The following GPATCH8 variants were observed in gnomAD, a reference collection of about 807,000 sequenced individuals.
GPATCH8 encodes G-patch domain containing 8, also known as G patch domain-containing protein 8.
GPATCH8 carries 18 observed loss-of-function variants against 118.3 expected under a neutral mutation model. The observed-to-expected ratio is 0.15, with a 90% CI of 0.11 to 0.23. The LOEUF (loss-of-function observed/expected upper bound fraction) is 0.23. GPATCH8 is among the 10% of genes least tolerant of loss of function. GPATCH8 has a pLI of 1.00. For missense variants in GPATCH8, 1,631 were observed against 1,873.8 expected (o/e 0.87, Z 2.39); for synonymous variants, 659 against 684.7 (o/e 0.96, Z 0.59).
At chr17:44,458,374 C>T (rs1294471162) in intron 3 of GPATCH8, among the ~76,000 whole-genome samples, 1 of 152,010 alleles carries the variant, frequency 6.6e-6, no homozygotes, top group Non-Finnish European at 1.5e-5. Flanking sequence ...ATGTAAGTAC[C>T]TATTTTCCCA....
rs2048790583 is a variant in GPATCH8, at chr17:44,396,673, A to T, written c.*895T>A. 3 of 445,028 alleles carry T rather than the reference A, an allele frequency of 6.7e-6. No homozygotes were observed. The highest frequency in any genetic ancestry group is 4.9e-5 in the South Asian group (3 of 61,456). 27.6% of individuals were successfully genotyped at this position (445,028 alleles called of 1,614,324 possible). A position where few individuals can be genotyped will look rare whatever the true frequency, so the allele number is the denominator to read the frequency against. ...GAACGAGGATCACTTAAAGAGCTGG[A>T]TGTAAAAAATATTATTGCAGTATAC... On this transcript the variant is annotated 3_prime_UTR_variant, in exon 8 of 8. Coordinates refer to ENST00000591680, the MANE Select transcript of GPATCH8 (RefSeq NM_001002909.4).
At chr17:44,421,164 A>C (rs1055336058) in intron 6 of GPATCH8, among the ~76,000 whole-genome samples, 9 of 151,850 alleles carry the variant, frequency 5.9e-5, no homozygotes, top group African/African-American at 2.2e-4. Flanking sequence ...ATTGTTTTCT[A>C]GTTAAAACTT....
At chr17:44,451,679 CA>C (rs961064556) in intron 3 of GPATCH8, among the ~76,000 whole-genome samples, 2 of 152,114 alleles carry the variant, frequency 1.3e-5, no homozygotes, top group Non-Finnish European at 2.9e-5. Flanking sequence ...AAATATTTGG[CA>C]AAAGTTCTTA....
chr17:44,466,902 G>A (rs1376760045), intron 2 of GPATCH8, among the ~76,000 whole-genome samples: 1 of 151,296 alleles, frequency 6.6e-6, no homozygotes, highest in Admixed American at 6.6e-5. Context: ...GACAAAAATT[G>A]TTGCTCCCCC....
At position 44,411,507 on chromosome 17, in the gene GPATCH8, T is replaced by G. The variant is rs185956098; in HGVS notation, c.493-5456A>C. 3.3e-5 allele frequency among the ~76,000 whole-genome samples: 5 copies of G among 152,338 alleles called. No individual in the cohort carries two copies. In the East Asian group the frequency reaches 9.6e-4, roughly 29 times the overall value. On this transcript the variant is annotated intron_variant, in intron 6 of 7. Transcript: ENST00000591680. ...TCTCGAGTATTTAAAATTGATTATC[T>G]ACATTTAAATAAAACCCATTTTTCT...
chr17:44,466,880 T>C (rs2051787328), intron 2 of GPATCH8, among the ~76,000 whole-genome samples: 1 of 152,134 alleles, frequency 6.6e-6, no homozygotes. Context: ...GATTTAGGCA[T>C]TAAACAATGC....
In GPATCH8 at chr17:44,414,117, G is replaced by GTATATATGTGTA. The variant is rs2049572776; in HGVS notation, c.493-8067_493-8066insTACACATATATA. 2.2e-5 allele frequency among the ~76,000 whole-genome samples: 3 copies of GTATATATGTGTA among 138,090 alleles called. No individual in the cohort carries two copies. The South Asian group carries it at 6.6e-4, about 30-fold the overall frequency. 90.6% of individuals were successfully genotyped at this position (138,090 alleles called of 152,430 possible). ...TATATATATGTGTGTATATATATAT[G>GTATATATGTGTA]TATATATATGTGTATATATATATAT... On this transcript the variant is annotated intron_variant, in intron 6 of 7. Coordinates refer to ENST00000591680, the MANE Select transcript of GPATCH8 (RefSeq NM_001002909.4).
At chr17:44,484,095 C>G (rs1037615940) in intron 1 of GPATCH8, among the ~76,000 whole-genome samples, 1 of 152,172 alleles carries the variant, frequency 6.6e-6, no homozygotes, top group Non-Finnish European at 1.5e-5. Flanking sequence ...CCGCCTCGGA[C>G]TTCCAAAGTG....
chr17:44,472,838 G>A (rs1455573553), intron 2 of GPATCH8, among the ~76,000 whole-genome samples: 1 of 151,928 alleles, frequency 6.6e-6, no homozygotes, highest in Non-Finnish European at 1.5e-5. Context: ...TGGGACTACA[G>A]GTGCCTACCA....
intron 2 of GPATCH8, chr17:44,465,810 A>C (rs751950968): frequency 6.6e-6 from 1 of 152,216 alleles, no homozygotes; most frequent in Non-Finnish European, 1.5e-5. Flanking sequence ...CTCCATATTC[A>C]ATGATAAAGT....
intron 1 of GPATCH8, among the ~76,000 whole-genome samples, chr17:44,502,387 G>A (rs1475590358): frequency 2.0e-5 from 3 of 151,112 alleles, no homozygotes; most frequent in Non-Finnish European, 4.4e-5. Flanking sequence ...AGACTCTACG[G>A]ATGTATTTTA....
chr17:44,436,814 T>TAAGC, intron 3 of GPATCH8: 2 of 485,290 alleles, frequency 4.1e-6, no homozygotes, highest in Non-Finnish European at 7.5e-6. Flanking sequence ...AAAGCACTTT[T>TAAGC]AAGCAATGGC....
intron 1 of GPATCH8, among the ~76,000 whole-genome samples, chr17:44,478,669 AAAAAAAC>A (rs1311938114): frequency 6.6e-6 from 1 of 152,134 alleles, no homozygotes; most frequent in Non-Finnish European, 1.5e-5. Context: ...TCAAAAACAA[AAAAAAAC>A]AAAAAACAAA....
intron 1 of GPATCH8, among the ~76,000 whole-genome samples, chr17:44,489,107 C>G (rs1969029813): frequency 6.6e-6 from 1 of 151,976 alleles, no homozygotes; most frequent in South Asian, 2.1e-4. Flanking sequence ...AAAAAACCTT[C>G]CAGTTATGGA....
chr17:44,454,901 A>G (rs1232347996), intron 3 of GPATCH8, among the ~76,000 whole-genome samples: 1 of 152,180 alleles, frequency 6.6e-6, no homozygotes, highest in African/African-American at 2.4e-5. Context: ...AATAACTAAA[A>G]TTATGGTTGC....
intron 3 of GPATCH8, among the ~76,000 whole-genome samples, chr17:44,450,035 T>C (rs1323657359): frequency 6.6e-6 from 1 of 152,190 alleles, no homozygotes; most frequent in East Asian, 1.9e-4. Flanking sequence ...ATATAAAACA[T>C]ATAGCCATAT....
chr17:44,423,106 T>C (rs2049972640), intron 6 of GPATCH8, among the ~76,000 whole-genome samples: 1 of 151,960 alleles, frequency 6.6e-6, no homozygotes, highest in South Asian at 2.1e-4. Context: ...CTGGGCATGG[T>C]GGCAGGCACC....
chr17:44,437,957 A>C (rs1449163184), intron 3 of GPATCH8, among the ~76,000 whole-genome samples: 7 of 123,692 alleles, frequency 5.7e-5, no homozygotes, highest in Non-Finnish European at 1.3e-4. Flanking sequence ...AAAAAAAAAA[A>C]AACAAAACAA....
chr17:44,458,273 A>AAAT (rs1313956146), intron 3 of GPATCH8, among the ~76,000 whole-genome samples: 1 of 150,130 alleles, frequency 6.7e-6, no homozygotes, highest in African/African-American at 2.5e-5. Context: ...AAAAAAAAAA[A>AAAT]GCTGGATTCA....
Sources: gnomAD v4.1 joint callset for allele counts (sites outside exome capture counted in the v4.1 genomes callset) on GRCh38, gnomAD v4.1.1 for gene constraint, MANE v1.5 for transcripts, NCBI Gene and HGNC (gene_info 2026-07-23, HGNC 2026-07-21) for gene names.